Variants in VEZT observed in about 807,000 individuals in gnomAD.
VEZT encodes vezatin, adherens junctions transmembrane protein, also known as vezatin.
Under a neutral mutation model 79.9 loss-of-function variants are expected in VEZT, and 39 were observed. The ratio of observed to expected loss-of-function variants is 0.49; its 90% confidence interval spans 0.38 to 0.64. The LOEUF is 0.64. Ranked by LOEUF, VEZT falls within the 30% of genes least tolerant of loss-of-function variation. The pLI, the probability that VEZT is intolerant of heterozygous loss-of-function variation, is 0.00. For synonymous variants in VEZT, 325 were observed against 327.6 expected, an observed-to-expected ratio of 0.99 and a Z score of 0.09; for missense variants, 837 against 893.1, an observed-to-expected ratio of 0.94 and a Z score of 0.80.
chr12:95,233,441 C>T (rs1260339375), intron 1 of VEZT, among the ~76,000 whole-genome samples: 1 of 151,830 alleles, frequency 6.6e-6, no homozygotes. Context: ...ACTCTCTTGC[C>T]GAGGCTGGAG....
Position 95,235,819 on chromosome 12 carries a change from C to T in VEZT, c.37-16121C>T, listed in dbSNP as rs534572295. The stretch of plus-strand genomic sequence containing the variant: ...GCAGAGGGGCTCCTCACTTCTCAGA[C>T]GGGGCGGCTGCCGGGCAGAGACGCT... On this transcript the variant is annotated intron_variant, in intron 1 of 11. Coordinates refer to ENST00000436874, the MANE Select transcript of VEZT (RefSeq NM_017599.4). Among the ~76,000 whole-genome samples, 843 of 150,166 alleles carry T rather than the reference C, an allele frequency of 5.6e-3. 10 individuals are homozygous for T. The highest frequency in any genetic ancestry group is 0.019 in the African/African-American group (772 of 40,686).
intron 5 of VEZT, among the ~76,000 whole-genome samples, chr12:95,267,009 G>T (rs913664349): frequency 5.3e-5 from 8 of 152,102 alleles, no homozygotes; most frequent in Non-Finnish European, 4.4e-5. Flanking sequence ...TATGATAGAC[G>T]TATCTGCTAT....
At chr12:95,290,589 A>C (rs989145578) in intron 9 of VEZT, 1 of 152,206 alleles carries the variant, frequency 6.6e-6, no homozygotes, top group Non-Finnish European at 1.5e-5. Flanking sequence ...TAAGTTGGCA[A>C]AGGAACAGAA....
At chr12:95,268,244 C>T (rs368248043) in intron 5 of VEZT, among the ~76,000 whole-genome samples, 3 of 152,192 alleles carry the variant, frequency 2.0e-5, no homozygotes, top group African/African-American at 7.2e-5. Flanking sequence ...ACCTGTAATC[C>T]CAGCACTTTG....
At chr12:95,270,329 A>T (rs1283444266) in intron 6 of VEZT, 141 bp downstream of exon 6, 2 of 867,758 alleles carry the variant, frequency 2.3e-6, no homozygotes, top group African/African-American at 3.5e-5. Context: ...ATTCTATGTT[A>T]AAACTGGAAA....
chr12:95,294,276 G>T lies in VEZT; in HGVS notation c.1527G>T (p.Lys509Asn), dbSNP rs202242411. Reference sequence around the variant, plus strand: ...ATCTATTCCCGTTTTTTAAAGGCAAGCCTGAAATAGCATGTGAAAACCCAC... The same window carrying T: ...ATCTATTCCCGTTTTTTAAAGGCAATCCTGAAATAGCATGTGAAAACCCAC... The part of the protein sequence containing the change: ...LLRRNTDKKG[K>N]PEIACENPHC... Residue 509 changes from lysine to asparagine, a missense_variant, in exon 10 of 12, where the codon AAG becomes AAT. Lys to Asn is a moderately conservative substitution (Grantham distance 94). Transcript: ENST00000436874. 34 of 1,582,194 alleles carry T rather than the reference G, an allele frequency of 2.1e-5. No individual in the cohort carries two copies. Among genetic ancestry groups the T allele is most frequent in the African/African-American group, 1.3e-5 (1 of 74,230 alleles).
intron 8 of VEZT, among the ~76,000 whole-genome samples, chr12:95,287,376 G>GT (rs1236579997): frequency 2.0e-5 from 3 of 151,874 alleles, no homozygotes; most frequent in Non-Finnish European, 4.4e-5. Flanking sequence ...CTGAAGTGCA[G>GT]TGGCGCTATT....
intron 1 of VEZT, chr12:95,224,193 G>A (rs765723197): frequency 1.5e-5 from 7 of 456,060 alleles, no homozygotes; most frequent in South Asian, 1.1e-4. Context: ...CGGCCAGTGG[G>A]AAGGACCTGC....
chr12:95,239,015 G>C (rs2060537306), intron 1 of VEZT, among the ~76,000 whole-genome samples: 1 of 152,090 alleles, frequency 6.6e-6, no homozygotes, highest in Admixed American at 6.5e-5. Flanking sequence ...AAAGTATATA[G>C]TATATTTCCA....
intron 9 of VEZT, among the ~76,000 whole-genome samples, chr12:95,291,153 C>T (rs1420539640): frequency 1.3e-5 from 2 of 152,140 alleles, no homozygotes; most frequent in Non-Finnish European, 2.9e-5. Context: ...ATTGTTTGAG[C>T]CCAGGAGGTC....
rs762992462 is a variant in VEZT at position 95,257,104 on chromosome 12, G to A, written c.169-46G>A. 2.7e-6 allele frequency: 4 copies of A among 1,459,694 alleles called. No individual in the cohort carries two copies. In the Admixed American group the frequency reaches 8.7e-5, roughly 32 times the overall value. The allele number at this position is 1,459,694 out of a possible 1,614,324, so 90.4% of individuals were successfully genotyped here. On this transcript the variant is annotated intron_variant, in intron 2 of 11. Coordinates refer to ENST00000436874, the MANE Select transcript of VEZT (RefSeq NM_017599.4). ...GTACTTTGAAGTTTTTCTGCTGTTT[G>A]GGTATGCTTTTAATAATCCTATACA...
chr12:95,266,085 T>G (rs2065474872), intron 4 of VEZT, among the ~76,000 whole-genome samples: 1 of 152,190 alleles, frequency 6.6e-6, no homozygotes, highest in Non-Finnish European at 1.5e-5. Context: ...TGAAATCAGC[T>G]TTACCTGATT....
At chr12:95,287,415 G>GCTCAAGC (rs2071250691) in intron 8 of VEZT, among the ~76,000 whole-genome samples, 1 of 151,862 alleles carries the variant, frequency 6.6e-6, no homozygotes. Context: ...TACCTCCCAG[G>GCTCAAGC]CTCAAGCAGT....
intron 1 of VEZT, chr12:95,224,299 C>A: frequency 2.3e-6 from 1 of 443,112 alleles, no homozygotes; most frequent in Non-Finnish European, 4.5e-6. Flanking sequence ...TGATTGCATT[C>A]CTGTACCTAA....
chr12:95,226,025 T>A (rs555367733), intron 1 of VEZT, among the ~76,000 whole-genome samples: 22 of 150,930 alleles, frequency 1.5e-4, no homozygotes, highest in African/African-American at 5.1e-4. Flanking sequence ...AACCCAGGAG[T>A]TCAAGGCTGT....
rs1274566140 is a variant in VEZT, at chr12:95,300,401, A to T, written c.2068A>T (p.Met690Leu). ...EVFPQGAEER[M>L]CYQCESEDEP... is the part of the protein sequence containing the mutation. ...CTTCCCCCAAGGAGCAGAAGAAAGAATGTGTTACCAATGTGAGAGTGAAGA... is the reference window on the plus strand; with the variant it reads ...CTTCCCCCAAGGAGCAGAAGAAAGATTGTGTTACCAATGTGAGAGTGAAGA... The change falls in exon 12 of 12, where the codon ATG becomes TTG. Residue 690 changes from methionine (M) to leucine (L), a missense_variant. Met to Leu is a conservative substitution (Grantham distance 15, BLOSUM62 2). Coordinates refer to ENST00000436874, the MANE Select transcript of VEZT (RefSeq NM_017599.4). 1 of 1,614,010 alleles carries T rather than the reference A, an allele frequency of 6.2e-7. No homozygotes were observed. The highest frequency in any genetic ancestry group is 2.2e-5 in the East Asian group (1 of 44,890).
At chr12:95,290,749 T>C (rs900405916) in intron 9 of VEZT, 1 of 152,182 alleles carries the variant, frequency 6.6e-6, no homozygotes, top group Non-Finnish European at 1.5e-5. Flanking sequence ...AAAATTAACA[T>C]GTCCTTTGTG....
chr12:95,254,699 A>G (rs1373296532), intron 2 of VEZT, among the ~76,000 whole-genome samples: 1 of 152,160 alleles, frequency 6.6e-6, no homozygotes, highest in East Asian at 1.9e-4. Context: ...TGTATTGTTT[A>G]GCTCATTGTC....
chr12:95,239,401 TGATGATTGTCCCTTTTCTATCCA>T (rs1281815790), intron 1 of VEZT, among the ~76,000 whole-genome samples: 1 of 152,172 alleles, frequency 6.6e-6, no homozygotes, highest in Non-Finnish European at 1.5e-5. Context: ...AAGGAGTAAA[TGATGATTGTCCCTTTTCTATCCA>T]GATGATCTTT....
Sources: allele counts gnomAD v4.1 joint callset (sites outside exome capture counted in the v4.1 genomes callset), GRCh38; gene constraint gnomAD v4.1.1; transcripts MANE v1.5; gene names NCBI Gene and HGNC (gene_info 2026-07-23, HGNC 2026-07-21).